Variants in KCNH7 observed in about 807,000 individuals in gnomAD.
The protein encoded by KCNH7 is voltage-gated inwardly rectifying potassium channel KCNH7.
A neutral mutation model predicts 120.8 loss-of-function variants in KCNH7; 49 were observed. The observed-to-expected ratio is 0.41, with a 90% CI of 0.32 to 0.51. The LOEUF is 0.51. KCNH7 is among the 20% of genes least tolerant of loss of function. The probability of loss-of-function intolerance (pLI) is 0.38; values close to 1 mark genes in which losing one functional copy is unlikely to be tolerated. For missense variants in KCNH7, 1,097 were observed against 1,446.6 expected, an observed-to-expected ratio of 0.76 and a Z score of 3.92; for synonymous variants, 547 against 516.1, an observed-to-expected ratio of 1.06 and a Z score of -0.81.
At chr2:162,528,494 T>A (rs1201765373) in intron 3 of KCNH7, 1 of 151,970 alleles carries the variant, frequency 6.6e-6, no homozygotes, top group African/African-American at 2.4e-5. Context: ...AAGAAAAGCA[T>A]TTTAGTAGAG....
At position 162,712,478 on chromosome 2, in the gene KCNH7, C is replaced by A. The variant is rs189365722; in HGVS notation, c.307+124059G>T. Among the ~76,000 whole-genome samples, 5 of 152,210 alleles carry A rather than the reference C, an allele frequency of 3.3e-5. No individual in the cohort carries two copies. The East Asian group carries it at 5.8e-4, about 18-fold the overall frequency. ...TCATGAATAAATAGCTGACTTTCTG[C>A]TGCATAAGAGGGGAGAATGGTTCAG... is the stretch of plus-strand genomic sequence containing the variant. On this transcript the variant is annotated intron_variant, in intron 2 of 15. Transcript: ENST00000332142.
chr2:162,549,064 A>C (rs1692576834), intron 2 of KCNH7, among the ~76,000 whole-genome samples: 1 of 152,126 alleles, frequency 6.6e-6, no homozygotes, highest in Non-Finnish European at 1.5e-5. Flanking sequence ...TTATGGTCCT[A>C]TTATCCTGTA....
At chr2:162,642,723 G>A (rs536669319) in intron 2 of KCNH7, among the ~76,000 whole-genome samples, 5 of 152,326 alleles carry the variant, frequency 3.3e-5, no homozygotes, top group Admixed American at 2.6e-4. Flanking sequence ...AGCCACAGAC[G>A]TGCTTTAGGG....
intron 2 of KCNH7, among the ~76,000 whole-genome samples, chr2:162,664,601 G>A (rs530237651): frequency 1.3e-5 from 2 of 152,134 alleles, no homozygotes; most frequent in Non-Finnish European, 2.9e-5. Flanking sequence ...GACTTGGTGA[G>A]AAGAGGAAGG....
intron 2 of KCNH7, among the ~76,000 whole-genome samples, chr2:162,714,234 G>A (rs1687031499): frequency 6.6e-6 from 1 of 152,176 alleles, no homozygotes; most frequent in South Asian, 2.1e-4. Context: ...TGACAGGAAG[G>A]AGAATTGACA....
rs1292348820 is a variant in KCNH7 at position 162,373,659 on chromosome 2, A to C, written c.3135T>G (p.Leu1045=). The C allele has an allele frequency of 6.7e-7, 1 of 1,502,414 alleles. No individual in the cohort carries two copies. The highest frequency in any genetic ancestry group is 8.9e-7 in the Non-Finnish European group (1 of 1,122,428). 93.1% of individuals were successfully genotyped at this position (1,502,414 alleles called of 1,614,324 possible). ...LDLLQEQLNR[L]ESQMTTDIQT... ...GGATGTCAGTGGTCATTTGGGATTC[A>C]AGCCTACAGAACAGACAGAAGTAGG... Residue 1045 remains leucine, a synonymous_variant, in exon 15 of 16, where the codon CTT becomes CTG. Transcript: ENST00000332142.
At position 162,445,918 on chromosome 2, in the gene KCNH7, T is replaced by C. The variant is rs1331835123; in HGVS notation, c.1554+100A>G. 1.2e-5 allele frequency: 11 copies of C among 890,036 alleles called. No homozygotes were observed. In the South Asian group the frequency reaches 2.0e-4, roughly 16 times the overall value. 55.1% of individuals were successfully genotyped at this position (890,036 alleles called of 1,614,324 possible). On this transcript the variant is annotated intron_variant, in intron 7 of 15. Coordinates refer to ENST00000332142, the MANE Select transcript of KCNH7 (RefSeq NM_033272.4). ...TTGAAAATGAATTTTATCAGTGAGA[T>C]ACAAGAAGCTTGCAAAGCAACTCTT... is the stretch of plus-strand genomic sequence containing the variant.
At chr2:162,445,950 G>A in intron 7 of KCNH7, 68 bp downstream of exon 7, 4 of 1,231,820 alleles carry the variant, frequency 3.2e-6, no homozygotes, top group Middle Eastern at 2.0e-4. Flanking sequence ...TCTTCTTTTT[G>A]CAGTTAAAAT....
intron 9 of KCNH7, among the ~76,000 whole-genome samples, chr2:162,406,907 T>C (rs1386164829): frequency 6.6e-6 from 1 of 152,050 alleles, no homozygotes; most frequent in African/African-American, 2.4e-5. Context: ...ACATATTTCC[T>C]GTTTGGCAAT....
chr2:162,459,995 G>A (rs181935362), intron 6 of KCNH7, among the ~76,000 whole-genome samples: 47 of 151,860 alleles, frequency 3.1e-4, no homozygotes, highest in African/African-American at 1.1e-3. Flanking sequence ...TTGGAAGGCT[G>A]GGGCAGGAGA....
At chr2:162,504,321 A>G in intron 6 of KCNH7, 122 bp downstream of exon 6, 1 of 686,768 alleles carries the variant, frequency 1.5e-6, no homozygotes, top group Admixed American at 2.5e-5. Flanking sequence ...CAAGATAAAT[A>G]GGAGTACAAA....
chr2:162,782,224 G>T (rs2105497040), intron 2 of KCNH7, among the ~76,000 whole-genome samples: 1 of 152,232 alleles, frequency 6.6e-6, no homozygotes, highest in South Asian at 2.1e-4. Flanking sequence ...GTCCTAGTAT[G>T]CGAGAAAAGA....
At chr2:162,540,542 T>C (rs142385857) in intron 2 of KCNH7, among the ~76,000 whole-genome samples, 1 of 152,224 alleles carries the variant, frequency 6.6e-6, no homozygotes, top group East Asian at 1.9e-4. Flanking sequence ...GGCGTTTTAT[T>C]GTACTGTGTG....
intron 2 of KCNH7, among the ~76,000 whole-genome samples, chr2:162,632,372 C>T (rs912782997): frequency 6.6e-6 from 1 of 151,914 alleles, no homozygotes; most frequent in Admixed American, 6.6e-5. Context: ...GAAAATAACT[C>T]AATAATTATA....
At chr2:162,573,657 G>A (rs376019037) in intron 2 of KCNH7, among the ~76,000 whole-genome samples, 2 of 151,988 alleles carry the variant, frequency 1.3e-5, no homozygotes, top group South Asian at 4.1e-4. Context: ...TTGTGTGTGT[G>A]TTTATGTTGC....
At chr2:162,622,914 T>C (rs1683415151) in intron 2 of KCNH7, among the ~76,000 whole-genome samples, 1 of 152,152 alleles carries the variant, frequency 6.6e-6, no homozygotes, top group Admixed American at 6.6e-5. Context: ...TTTCTACAGA[T>C]TTCTATTCTG....
At chr2:162,612,515 G>T (rs1415463489) in intron 2 of KCNH7, among the ~76,000 whole-genome samples, 2 of 152,000 alleles carry the variant, frequency 1.3e-5, no homozygotes, top group East Asian at 3.9e-4. Context: ...ACCCCAAATA[G>T]TAAATTATCA....
chr2:162,515,499 A>T (rs543641779), intron 4 of KCNH7, among the ~76,000 whole-genome samples: 1 of 151,820 alleles, frequency 6.6e-6, no homozygotes, highest in South Asian at 2.1e-4. Flanking sequence ...GAATTTTACT[A>T]TACTACTGTT....
intron 2 of KCNH7, among the ~76,000 whole-genome samples, chr2:162,805,864 A>C (rs755000047): frequency 2.6e-5 from 4 of 152,194 alleles, no homozygotes; most frequent in Non-Finnish European, 5.9e-5. Context: ...GGAAAAAGAA[A>C]ATGTGGTATA....
Sources: allele counts gnomAD v4.1 joint callset (sites outside exome capture counted in the v4.1 genomes callset), GRCh38; gene constraint gnomAD v4.1.1; transcripts MANE v1.5; gene names NCBI Gene and HGNC (gene_info 2026-07-23, HGNC 2026-07-21).